The following KYNU variants were observed in gnomAD, a reference collection of about 807,000 sequenced individuals.
KYNU encodes the protein kynureninase.
KYNU carries 54 observed loss-of-function variants against 59.2 expected under a neutral mutation model. That is an observed-to-expected ratio of 0.91 (90% CI 0.73 to 1.14). The LOEUF is 1.14. KYNU is among the 50% of genes most tolerant of loss of function. KYNU has a pLI of 0.00. For missense variants in KYNU, 567 were observed against 554.4 expected (o/e 1.02, Z -0.23); for synonymous variants, 177 against 192.0 (o/e 0.92, Z 0.65).
chr2:142,954,759 T>C (rs1409550989), intron 4 of KYNU, 51 bp from the exon 5 acceptor site: 1 of 1,222,534 alleles, frequency 8.2e-7, no homozygotes, highest in Admixed American at 1.7e-5. Context: ...GTTTTTTCAG[T>C]ATCTTTAGAC....
chr2:143,038,047 A>G (rs1395366592), intron 12 of KYNU, among the ~76,000 whole-genome samples: 5 of 152,188 alleles, frequency 3.3e-5, no homozygotes, highest in African/African-American at 4.8e-5. Flanking sequence ...CTAGTTATCA[A>G]GAGAAAGCTT....
chr2:142,911,391 G>T (rs1403769016), intron 2 of KYNU, among the ~76,000 whole-genome samples: 2 of 152,104 alleles, frequency 1.3e-5, no homozygotes, highest in African/African-American at 4.8e-5. Flanking sequence ...AAATGCTCCT[G>T]ATTTTTTAAT....
rs1250581548 is a variant in KYNU, at chr2:143,047,168, G to C, written c.*4996G>C. 6.6e-6 allele frequency: 1 copy of C among 152,008 alleles called. No individual in the cohort carries two copies. Among genetic ancestry groups the C allele is most frequent in the Non-Finnish European group, 1.5e-5 (1 of 68,028 alleles). 9.4% of individuals were successfully genotyped at this position (152,008 alleles called of 1,614,324 possible). ...CAGTCTCAACCTCCTGGGCTCAAGT[G>C]ATCCTCCCACGTCAGCCTGTGGAGT... On this transcript the variant is annotated 3_prime_UTR_variant, in exon 14 of 14. Transcript: ENST00000264170.
chr2:142,903,888 A>T (rs577172827), intron 2 of KYNU, among the ~76,000 whole-genome samples: 2 of 152,134 alleles, frequency 1.3e-5, no homozygotes, highest in African/African-American at 4.8e-5. Flanking sequence ...TAGGCATTCA[A>T]TTTGTCCAGA....
chr2:142,951,483 G>A (rs1683987915), intron 4 of KYNU, among the ~76,000 whole-genome samples: 1 of 152,186 alleles, frequency 6.6e-6, no homozygotes, highest in African/African-American at 2.4e-5. Flanking sequence ...CTGTGATCAT[G>A]CCTCTGTACT....
At chr2:143,014,286 T>G (rs553212444) in intron 10 of KYNU, among the ~76,000 whole-genome samples, 1 of 152,318 alleles carries the variant, frequency 6.6e-6, no homozygotes, top group Non-Finnish European at 1.5e-5. Flanking sequence ...TCCCTTGGAT[T>G]TTATCTAGTG....
At position 142,927,760 on chromosome 2, in the gene KYNU, A is replaced by C; in HGVS notation, c.373+19A>C. On this transcript the variant is annotated intron_variant, in intron 4 of 13. Coordinates refer to ENST00000264170, the MANE Select transcript of KYNU (RefSeq NM_003937.3). ...ATTGTAGGTAAGTACAAAACACTGA[A>C]GTTTTTCCAAATGAATTGTAAAGAT... is the stretch of plus-strand genomic sequence containing the variant. 6.6e-7 allele frequency: 1 copy of C among 1,507,236 alleles called. No individual in the cohort carries two copies. The highest frequency in any genetic ancestry group is 9.2e-7 in the Non-Finnish European group (1 of 1,082,766). 93.4% of individuals were successfully genotyped at this position (1,507,236 alleles called of 1,614,324 possible). A position where few individuals can be genotyped will look rare whatever the true frequency, so the allele number is the denominator to read the frequency against.
At chr2:142,982,363 A>G (rs1685075398) in intron 8 of KYNU, among the ~76,000 whole-genome samples, 1 of 152,118 alleles carries the variant, frequency 6.6e-6, no homozygotes. Flanking sequence ...TTTCTCAGTA[A>G]ACATTGCAAC....
chr2:142,905,257 A>G (rs1682252537), intron 2 of KYNU, among the ~76,000 whole-genome samples: 1 of 152,206 alleles, frequency 6.6e-6, no homozygotes, highest in African/African-American at 2.4e-5. Flanking sequence ...CGAGGAGAGC[A>G]AGGAGAAAAA....
intron 8 of KYNU, among the ~76,000 whole-genome samples, chr2:142,984,502 A>G (rs1207281657): frequency 6.6e-6 from 1 of 152,094 alleles, no homozygotes; most frequent in Non-Finnish European, 1.5e-5. Context: ...TTTCATGCAG[A>G]AATGGTTGTC....
chr2:142,946,853 A>G (rs1683801364), intron 4 of KYNU, among the ~76,000 whole-genome samples: 1 of 152,216 alleles, frequency 6.6e-6, no homozygotes, highest in Non-Finnish European at 1.5e-5. Flanking sequence ...GGACTCATTC[A>G]TCTACACTGA....
intron 4 of KYNU, among the ~76,000 whole-genome samples, chr2:142,945,745 A>AT (rs35581968): frequency 0.55 from 80,435 of 146,986 alleles, 22,528 homozygotes; most frequent in South Asian, 0.69. Context: ...ATTGTATTTA[A>AT]TTTTTTTTTT....
At chr2:142,957,952 T>A in intron 7 of KYNU, 2 of 452,218 alleles carry the variant, frequency 4.4e-6, no homozygotes, top group South Asian at 2.5e-5. Context: ...ATTTTTCTGT[T>A]AATACCACTG....
chr2:142,908,817 G>T (rs1187995896), intron 2 of KYNU, among the ~76,000 whole-genome samples: 1 of 152,070 alleles, frequency 6.6e-6, no homozygotes, highest in Non-Finnish European at 1.5e-5. Flanking sequence ...TGTATTTTTA[G>T]TAGAGACAGG....
At chr2:142,929,943 T>A (rs1348771541) in intron 4 of KYNU, among the ~76,000 whole-genome samples, 1 of 152,218 alleles carries the variant, frequency 6.6e-6, no homozygotes. Context: ...TGGAAGGGAC[T>A]GAAAAGGGAA....
At chr2:142,946,864 A>G (rs1207076372) in intron 4 of KYNU, among the ~76,000 whole-genome samples, 1 of 152,182 alleles carries the variant, frequency 6.6e-6, no homozygotes, top group Non-Finnish European at 1.5e-5. Context: ...TCTACACTGA[A>G]AATCCGTTGT....
At chr2:142,937,992 C>A (rs142884417) in intron 4 of KYNU, among the ~76,000 whole-genome samples, 3 of 152,102 alleles carry the variant, frequency 2.0e-5, no homozygotes, top group African/African-American at 7.2e-5. Flanking sequence ...CAAAACCCAC[C>A]GGAAAATAGC....
intron 4 of KYNU, among the ~76,000 whole-genome samples, chr2:142,934,300 A>C (rs1286021585): frequency 6.6e-6 from 1 of 152,046 alleles, no homozygotes; most frequent in Non-Finnish European, 1.5e-5. Flanking sequence ...GAAGTGTCCT[A>C]AACAGAGGGG....
intron 3 of KYNU, among the ~76,000 whole-genome samples, chr2:142,926,592 T>C (rs1683051313): frequency 6.6e-6 from 1 of 152,138 alleles, no homozygotes; most frequent in South Asian, 2.1e-4. Context: ...GAGGAAGAGT[T>C]CCAGTTGCGG....
Sources: gnomAD v4.1 joint callset for allele counts (sites outside exome capture counted in the v4.1 genomes callset) on GRCh38, gnomAD v4.1.1 for gene constraint, MANE v1.5 for transcripts, NCBI Gene and HGNC (gene_info 2026-07-23, HGNC 2026-07-21) for gene names.